Variants in MAPK14 observed in about 807,000 individuals in gnomAD.
The protein encoded by MAPK14 is CSAID-binding protein.
Under a neutral mutation model 49.6 loss-of-function variants are expected in MAPK14, and 16 were observed. The observed-to-expected ratio is 0.32, with a 90% CI of 0.22 to 0.49. The LOEUF (loss-of-function observed/expected upper bound fraction) is 0.49. MAPK14 is among the 20% of genes least tolerant of loss of function. The probability of loss-of-function intolerance (pLI) is 0.99; values close to 1 mark genes in which losing one functional copy is unlikely to be tolerated. For missense variants in MAPK14, 200 were observed against 441.2 expected (o/e 0.45, Z 4.90); for synonymous variants, 142 against 158.0 (o/e 0.90, Z 0.76).
intron 2 of MAPK14, among the ~76,000 whole-genome samples, chr6:36,054,120 T>C (rs1157958783): frequency 6.6e-6 from 1 of 152,160 alleles, no homozygotes; most frequent in East Asian, 1.9e-4. Context: ...CTGCATAAAA[T>C]CAAAGTGGCC....
chr6:36,068,452 C>G (rs535093740), intron 3 of MAPK14, among the ~76,000 whole-genome samples: 231 of 152,180 alleles, frequency 1.5e-3, no homozygotes, highest in African/African-American at 4.8e-3. Flanking sequence ...CACTCTTCCC[C>G]TGTGTTGAGA....
chr6:36,057,495 T>G lies in MAPK14; in HGVS notation c.247-1794T>G, dbSNP rs76713684. Among the ~76,000 whole-genome samples the G allele has an allele frequency of 6.1e-3, 931 of 152,344 alleles. 7 individuals carry two copies. The highest frequency in any genetic ancestry group is 0.022 in the African/African-American group (903 of 41,582). Reference sequence around the variant, plus strand: ...AAGGACTTGAAACCTATTCTTGAATTCCAAGTATGTGTCCCACCACCTCCT... The same window carrying G: ...AAGGACTTGAAACCTATTCTTGAATGCCAAGTATGTGTCCCACCACCTCCT... On this transcript the variant is annotated intron_variant, in intron 2 of 11. Coordinates refer to ENST00000229794, the MANE Select transcript of MAPK14 (RefSeq NM_139012.3).
chr6:36,039,442 T>C (rs1326487174), intron 1 of MAPK14, among the ~76,000 whole-genome samples: 1 of 151,868 alleles, frequency 6.6e-6, no homozygotes, highest in African/African-American at 2.4e-5. Flanking sequence ...CTTGGTGATA[T>C]TGTCACTGTG....
intron 2 of MAPK14, among the ~76,000 whole-genome samples, chr6:36,055,777 TAA>T (rs1175550773): frequency 8.7e-5 from 12 of 138,628 alleles, no homozygotes; most frequent in African/African-American, 7.9e-5. Flanking sequence ...ATTATTATAT[TAA>T]AAAAAAAAAA....
In MAPK14 at chr6:36,106,544, CAG is replaced by C. The variant is rs1456551906; in HGVS notation, c.842-907_842-906del. Among the ~76,000 whole-genome samples, 3 of 152,136 alleles carry C rather than the reference CAG, an allele frequency of 2.0e-5. No homozygotes were observed. In the East Asian group the frequency reaches 5.8e-4, roughly 29 times the overall value. On this transcript the variant is annotated intron_variant, in intron 10 of 11. Transcript: ENST00000229794. ...TAGATGATATTTAGAAATTATTTGT[CAG>C]AGATAATAACAGTATTATGATTATA...
chr6:36,045,584 G>A (rs1022692389), intron 1 of MAPK14, among the ~76,000 whole-genome samples: 11 of 151,846 alleles, frequency 7.2e-5, no homozygotes, highest in African/African-American at 1.5e-4. Context: ...TGAGGTGGGC[G>A]GATCACGAGA....
chr6:36,094,233 T>A (rs1765361093), intron 8 of MAPK14, among the ~76,000 whole-genome samples: 1 of 152,206 alleles, frequency 6.6e-6, no homozygotes, highest in Admixed American at 6.5e-5. Context: ...ATAATGTGAG[T>A]GGACTTGTTT....
the MAPK14 span, among the ~76,000 whole-genome samples, chr6:36,124,077 G>A: frequency 6.7e-6 from 1 of 150,126 alleles, no homozygotes; most frequent in Non-Finnish European, 1.5e-5. Context: ...GAGTGGGGGA[G>A]GGTGCCTTTT....
At chr6:36,053,632 A>C (rs1763483042) in intron 2 of MAPK14, among the ~76,000 whole-genome samples, 1 of 152,212 alleles carries the variant, frequency 6.6e-6, no homozygotes, top group Non-Finnish European at 1.5e-5. Flanking sequence ...TTGTGGAAAC[A>C]ATGGCCATAG....
At chr6:36,031,720 T>C (rs1256123986) in intron 1 of MAPK14, among the ~76,000 whole-genome samples, 7 of 152,048 alleles carry the variant, frequency 4.6e-5, no homozygotes, top group African/African-American at 1.7e-4. Context: ...TCTTCATTTT[T>C]TTGAGAGCAG....
intron 3 of MAPK14, among the ~76,000 whole-genome samples, chr6:36,063,563 C>T (rs912960784): frequency 6.6e-6 from 1 of 152,102 alleles, no homozygotes; most frequent in African/African-American, 2.4e-5. Flanking sequence ...CATTCCAGCC[C>T]AGGTGACAGA....
At chr6:36,070,718 T>G (rs1764235615) in intron 3 of MAPK14, among the ~76,000 whole-genome samples, 1 of 152,170 alleles carries the variant, frequency 6.6e-6, no homozygotes, top group Admixed American at 6.5e-5. Flanking sequence ...AATTGAGAAC[T>G]GACCATGGCA....
intron 10 of MAPK14, among the ~76,000 whole-genome samples, chr6:36,103,390 A>T (rs989697320): frequency 2.0e-5 from 3 of 151,878 alleles, no homozygotes; most frequent in African/African-American, 7.3e-5. Context: ...CCCAGGCTAG[A>T]GTACAGTGGC....
intron 1 of MAPK14, among the ~76,000 whole-genome samples, chr6:36,031,145 G>A (rs1349863809): frequency 1.3e-5 from 2 of 152,050 alleles, no homozygotes; most frequent in Admixed American, 1.3e-4. Flanking sequence ...CTCCCTAGTA[G>A]CTGGGACTAC....
chr6:36,035,645 G>T (rs1039729299), intron 1 of MAPK14, among the ~76,000 whole-genome samples: 2 of 151,932 alleles, frequency 1.3e-5, no homozygotes, highest in Non-Finnish European at 2.9e-5. Context: ...GAATGCAAAT[G>T]AAAAGTTTTT....
intron 8 of MAPK14, among the ~76,000 whole-genome samples, chr6:36,083,613 G>A (rs1167886625): frequency 6.6e-6 from 1 of 152,196 alleles, no homozygotes; most frequent in African/African-American, 2.4e-5. Context: ...TCTTTAGGCT[G>A]AACTCTGACT....
chr6:36,121,708 AATTTT>A, the MAPK14 span, among the ~76,000 whole-genome samples: 1 of 152,080 alleles, frequency 6.6e-6, no homozygotes, highest in African/African-American at 2.4e-5. Context: ...CTTTCTACTT[AATTTT>A]ATTTCTTACA....
chr6:36,116,391 TTTTA>T, the MAPK14 span, among the ~76,000 whole-genome samples: 1 of 152,138 alleles, frequency 6.6e-6, no homozygotes, highest in African/African-American at 2.4e-5. Context: ...TGGAGAACTT[TTTTA>T]TTTACTCAGT....
chr6:36,039,921 G>A (rs969863014), intron 1 of MAPK14, among the ~76,000 whole-genome samples: 2 of 151,666 alleles, frequency 1.3e-5, no homozygotes, highest in African/African-American at 4.9e-5. Flanking sequence ...ACTTGAACCC[G>A]GGAGGCGGAG....
Sources: gnomAD v4.1 joint callset for allele counts (sites outside exome capture counted in the v4.1 genomes callset) on GRCh38, gnomAD v4.1.1 for gene constraint, MANE v1.5 for transcripts, NCBI Gene and HGNC (gene_info 2026-07-23, HGNC 2026-07-21) for gene names.